ACSS3: variants seen among roughly 807,000 people sequenced by gnomAD.
ACSS3 encodes acyl-CoA synthetase short-chain family member 3, mitochondrial.
Under a neutral mutation model 84.2 loss-of-function variants are expected in ACSS3, and 64 were observed. The ratio of observed to expected loss-of-function variants is 0.76; its 90% CI spans 0.62 to 0.94. The LOEUF is 0.94. ACSS3 is among the 40% of genes least tolerant of loss of function. The pLI, the probability that ACSS3 is intolerant of heterozygous loss-of-function variation, is 0.00. For synonymous variants in ACSS3, 317 were observed against 310.1 expected (o/e 1.02, Z -0.23); for missense variants, 815 against 867.6 (o/e 0.94, Z 0.76).
At chr12:81,089,689 G>A (rs948880726) in intron 1 of ACSS3, among the ~76,000 whole-genome samples, 7 of 151,934 alleles carry the variant, frequency 4.6e-5, no homozygotes, top group African/African-American at 7.2e-5. Context: ...ATGTATTATC[G>A]TCAATAATGA....
At chr12:81,161,878 C>T (rs913491869) in intron 7 of ACSS3, among the ~76,000 whole-genome samples, 20 of 152,162 alleles carry the variant, frequency 1.3e-4, no homozygotes, top group Non-Finnish European at 2.8e-4. Flanking sequence ...TGGGCAGCTC[C>T]AGGAGCCACT....
intron 5 of ACSS3, among the ~76,000 whole-genome samples, chr12:81,145,176 A>G (rs1886281406): frequency 6.8e-6 from 1 of 146,780 alleles, no homozygotes. Context: ...TCGGCCTCCC[A>G]AAGTGCTGGG....
intron 1 of ACSS3, among the ~76,000 whole-genome samples, chr12:81,096,125 C>G (rs1160662168): frequency 6.6e-6 from 1 of 152,180 alleles, no homozygotes; most frequent in Non-Finnish European, 1.5e-5. Flanking sequence ...CTTAAAAATA[C>G]TTAAAGCCTG....
rs144662886 is a variant in ACSS3 at position 81,128,864 on chromosome 12, T to G, written c.457-5952T>G. The stretch of plus-strand genomic sequence containing the variant: ...TAGCAGTATCAAATGCCTTCTGTTT[T>G]GGAGTTCCAATAATACTTTATTTGA... On this transcript the variant is annotated intron_variant, in intron 2 of 15. Transcript: ENST00000548058. 7.9e-4 allele frequency among the ~76,000 whole-genome samples: 120 copies of G among 152,334 alleles called. 1 individual carries two copies. The highest frequency in any genetic ancestry group is 2.9e-3 in the African/African-American group (119 of 41,580).
chr12:81,136,004 C>T (rs1593113410), intron 3 of ACSS3, among the ~76,000 whole-genome samples: 1 of 152,148 alleles, frequency 6.6e-6, no homozygotes, highest in East Asian at 1.9e-4. Context: ...TATTAAGCTC[C>T]TGCTATGTTC....
intron 7 of ACSS3, among the ~76,000 whole-genome samples, chr12:81,167,306 A>G (rs1210629939): frequency 1.3e-5 from 2 of 152,170 alleles, no homozygotes; most frequent in Non-Finnish European, 2.9e-5. Flanking sequence ...CAGAGCTAGG[A>G]AAGGACGAGA....
intron 7 of ACSS3, among the ~76,000 whole-genome samples, chr12:81,174,239 T>C (rs2030301933): frequency 6.6e-6 from 1 of 152,220 alleles, no homozygotes; most frequent in Non-Finnish European, 1.5e-5. Flanking sequence ...CAATGTTATT[T>C]TGAGTCTGTG....
At chr12:81,248,744 G>A (rs1015060456) in intron 13 of ACSS3, among the ~76,000 whole-genome samples, 6 of 151,844 alleles carry the variant, frequency 4.0e-5, no homozygotes, top group African/African-American at 1.2e-4. Flanking sequence ...ATAAATACTC[G>A]AAGTGATGGA....
rs374600571 is a variant in ACSS3 at position 81,117,057 on chromosome 12, A to G, written c.456+7353A>G. Among the ~76,000 whole-genome samples the G allele has an allele frequency of 3.0e-4, 45 of 152,264 alleles. 1 individual carries two copies. Among genetic ancestry groups the G allele is most frequent in the African/African-American group, 1.1e-3 (45 of 41,570 alleles). ...ATTCTTACATTTGCTTAATGCATTT[A>G]TCATTCACTGATAGGTTCTTACTAG... is the stretch of plus-strand genomic sequence containing the variant. On this transcript the variant is annotated intron_variant, in intron 2 of 15. Coordinates refer to ENST00000548058, the MANE Select transcript of ACSS3 (RefSeq NM_024560.4).
intron 8 of ACSS3, among the ~76,000 whole-genome samples, chr12:81,196,057 A>G (rs1208979269): frequency 6.6e-6 from 1 of 152,208 alleles, no homozygotes; most frequent in Non-Finnish European, 1.5e-5. Flanking sequence ...TAAGTAATAG[A>G]TTGTCTTAGC....
rs139297706 is a variant in ACSS3 at position 81,134,668 on chromosome 12, G to A, written c.457-148G>A. 164 of 549,204 alleles carry A rather than the reference G, an allele frequency of 3.0e-4. 1 individual carries two copies. In the African/African-American group the frequency reaches 3.1e-3, roughly 10 times the overall value. The allele number at this position is 549,204 out of a possible 1,614,324, so 34.0% of individuals were successfully genotyped here. A position where few individuals can be genotyped will look rare whatever the true frequency, so the allele number is the denominator to read the frequency against. ...ATTGTTATTACTCTCACCATCTAAAGCATTATCATCATCATCAAATATGTG... is the reference window on the plus strand; with the variant it reads ...ATTGTTATTACTCTCACCATCTAAAACATTATCATCATCATCAAATATGTG... On this transcript the variant is annotated intron_variant, in intron 2 of 15. Coordinates refer to ENST00000548058, the MANE Select transcript of ACSS3 (RefSeq NM_024560.4).
rs780529829 is a variant in ACSS3, at chr12:81,139,191, C to T, written c.706C>T (p.Pro236Ser). 2 of 1,613,762 alleles carry T rather than the reference C, an allele frequency of 1.2e-6. No individual in the cohort carries two copies. Among genetic ancestry groups the T allele is most frequent in the South Asian group, 1.1e-5 (1 of 91,074 alleles). Residue 236 changes from proline to serine, a missense_variant, in exon 4 of 16, where the codon CCA becomes TCA. Coordinates refer to ENST00000548058, the MANE Select transcript of ACSS3 (RefSeq NM_024560.4). Reference protein sequence around the residue: ...IEPGRRVEYVPLVEEALKIGQ... With the variant: ...IEPGRRVEYVSLVEEALKIGQ... ...ACCTGGAAGGAGGGTAGAGTACGTA[C>T]CACTTGTAGAAGAAGCGCTAAAAAT...
intron 11 of ACSS3, among the ~76,000 whole-genome samples, chr12:81,220,909 G>A (rs978359647): frequency 9.9e-5 from 15 of 151,304 alleles, no homozygotes; most frequent in East Asian, 3.9e-4. Flanking sequence ...ATATTTTTTC[G>A]TCTTGTTTTT....
At chr12:81,097,985 A>G (rs560472701) in intron 1 of ACSS3, among the ~76,000 whole-genome samples, 10 of 152,188 alleles carry the variant, frequency 6.6e-5, no homozygotes, top group Non-Finnish European at 1.5e-4. Context: ...AAAAAGAACA[A>G]TTCTTGGGCA....
At chr12:81,098,151 AGTGT>A (rs1555243703) in intron 1 of ACSS3, among the ~76,000 whole-genome samples, 6 of 129,272 alleles carry the variant, frequency 4.6e-5, no homozygotes, top group East Asian at 4.9e-4. Context: ...AGAGAGAGAG[AGTGT>A]GTGTGTGTGT....
chr12:81,178,922 G>A (rs1246931674), intron 8 of ACSS3, among the ~76,000 whole-genome samples: 1 of 152,074 alleles, frequency 6.6e-6, no homozygotes, highest in Non-Finnish European at 1.5e-5. Flanking sequence ...TAACTAAAAT[G>A]GCATAGTACT....
chr12:81,233,919 T>C (rs2033547233), intron 13 of ACSS3, among the ~76,000 whole-genome samples: 1 of 151,604 alleles, frequency 6.6e-6, no homozygotes, highest in African/African-American at 2.4e-5. Context: ...TTTTAAAAAC[T>C]TATTCCTATG....
chr12:81,109,559 G>T lies in ACSS3; in HGVS notation c.312-1G>T. ...ACCTTTACTTTCCAATTATTTTTCA[G>T]GTTTGTGGAAGGAATGCTTAACATT... On this transcript the variant is annotated splice_acceptor_variant, in intron 1 of 15. Coordinates refer to ENST00000548058, the MANE Select transcript of ACSS3 (RefSeq NM_024560.4). LOFTEE classifies it high-confidence loss of function. The T allele has an allele frequency of 6.2e-7, 1 of 1,602,070 alleles. No individual in the cohort carries two copies. Among genetic ancestry groups the T allele is most frequent in the Non-Finnish European group, 8.5e-7 (1 of 1,175,808 alleles).
rs149519721 is a variant in ACSS3, at chr12:81,078,328, G to A, written c.208G>A (p.Val70Met). Residue 70 changes from valine to methionine, a missense_variant, in exon 1 of 16, where the codon GTG (valine) becomes ATG (methionine). Val to Met is a conservative substitution (Grantham distance 21). Coordinates refer to ENST00000548058, the MANE Select transcript of ACSS3 (RefSeq NM_024560.4). The stretch of plus-strand genomic sequence containing the variant: ...GTACAAGACCCACTTCGCAGCCTCG[G>A]TGACCGACCCCGAGAGGTTCTGGGG... ...SEYKTHFAAS[V>M]TDPERFWGKA... 3.3e-5 allele frequency: 53 copies of A among 1,612,442 alleles called. No individual in the cohort carries two copies. In the South Asian group the frequency reaches 5.7e-4, roughly 17 times the overall value.
Sources: gnomAD v4.1 joint callset for allele counts (sites outside exome capture counted in the v4.1 genomes callset) on GRCh38, gnomAD v4.1.1 for gene constraint, MANE v1.5 for transcripts, NCBI Gene and HGNC (gene_info 2026-07-23, HGNC 2026-07-21) for gene names.